The following PPM1H variants were observed in gnomAD, a reference collection of about 807,000 sequenced individuals.
PPM1H encodes the protein protein phosphatase 1H.
A neutral mutation model predicts 54.9 loss-of-function variants in PPM1H; 27 were observed. The ratio of observed to expected loss-of-function variants is 0.49; its 90% CI spans 0.36 to 0.68. The LOEUF is 0.68. Ranked by LOEUF, PPM1H falls within the 30% of genes least tolerant of loss-of-function variation. PPM1H has a pLI of 0.00. For synonymous variants in PPM1H, 305 were observed against 270.8 expected, an observed-to-expected ratio of 1.13 and a Z score of -1.24; for missense variants, 596 against 667.8, an observed-to-expected ratio of 0.89 and a Z score of 1.19.
intron 4 of PPM1H, among the ~76,000 whole-genome samples, chr12:62,763,276 A>T (rs1042755939): frequency 3.9e-5 from 6 of 152,170 alleles, no homozygotes; most frequent in Non-Finnish European, 8.8e-5. Flanking sequence ...GTAACCCTGG[A>T]CTGGCTGTTG....
chr12:62,677,070 G>T (rs868477542), intron 8 of PPM1H, among the ~76,000 whole-genome samples: 1 of 152,012 alleles, frequency 6.6e-6, no homozygotes, highest in African/African-American at 2.4e-5. Flanking sequence ...AGAGACAATG[G>T]GACAACCTGC....
chr12:62,688,039 T>G (rs1258337937), intron 8 of PPM1H, among the ~76,000 whole-genome samples: 2 of 151,366 alleles, frequency 1.3e-5, no homozygotes, highest in Non-Finnish European at 2.9e-5. Flanking sequence ...ACAAAAAACC[T>G]TAATTACACA....
At chr12:62,729,551 G>A (rs2120496396) in intron 5 of PPM1H, among the ~76,000 whole-genome samples, 1 of 152,320 alleles carries the variant, frequency 6.6e-6, no homozygotes, top group East Asian at 1.9e-4. Context: ...TTCACAAATT[G>A]AACACACCTG....
chr12:62,691,440 C>G (rs966393998), intron 7 of PPM1H, among the ~76,000 whole-genome samples: 3 of 152,134 alleles, frequency 2.0e-5, no homozygotes, highest in Admixed American at 1.3e-4. Flanking sequence ...AATTTTGAAG[C>G]CAGCCTTGGT....
intron 4 of PPM1H, among the ~76,000 whole-genome samples, chr12:62,781,061 AG>A (rs569264999): frequency 7.9e-5 from 12 of 152,220 alleles, no homozygotes; most frequent in Non-Finnish European, 1.5e-4. Flanking sequence ...ACACTTTCCC[AG>A]GGGCCCAACA....
rs561769088 is a variant in PPM1H, at chr12:62,867,601, A to G, written c.246-35322T>C. ...TTTTTTTTTTTTTTTTTTTTGAGAC[A>G]GAGTCTCACTCTGTCACCCAGGCTG... is the stretch of plus-strand genomic sequence containing the variant. On this transcript the variant is annotated intron_variant, in intron 1 of 9. Coordinates refer to ENST00000228705, the MANE Select transcript of PPM1H (RefSeq NM_020700.2). 7.8e-3 allele frequency among the ~76,000 whole-genome samples: 648 copies of G among 83,226 alleles called. 5 individuals are homozygous for G. The highest frequency in any genetic ancestry group is 0.036 in the African/African-American group (580 of 16,222). The allele number at this position is 83,226 out of a possible 152,430, so 54.6% of individuals were successfully genotyped here. A position where few individuals can be genotyped will look rare whatever the true frequency, so the allele number is the denominator to read the frequency against.
intron 4 of PPM1H, among the ~76,000 whole-genome samples, chr12:62,749,360 C>T (rs958395265): frequency 1.3e-5 from 2 of 152,212 alleles, no homozygotes; most frequent in African/African-American, 4.8e-5. Context: ...AGAAACCATT[C>T]GGAAAACCCT....
At chr12:62,838,648 G>A (rs1275822229) in intron 1 of PPM1H, among the ~76,000 whole-genome samples, 1 of 102,496 alleles carries the variant, frequency 9.8e-6, no homozygotes, top group East Asian at 2.7e-4. Flanking sequence ...CTGGCCGGGC[G>A]CGGTGGCTCA....
chr12:62,916,459 A>C (rs1194997756), intron 1 of PPM1H, among the ~76,000 whole-genome samples: 15 of 152,220 alleles, frequency 9.9e-5, no homozygotes, highest in Non-Finnish European at 1.8e-4. Flanking sequence ...CTTTAAGTCT[A>C]TAAGTACCTA....
chr12:62,657,996 T>G (rs1011515449), intron 9 of PPM1H, among the ~76,000 whole-genome samples: 1 of 144,078 alleles, frequency 6.9e-6, no homozygotes, highest in African/African-American at 2.6e-5. Flanking sequence ...GCATAAATAC[T>G]GCATAAAAAG....
intron 3 of PPM1H, among the ~76,000 whole-genome samples, chr12:62,791,292 C>T (rs1175658209): frequency 6.6e-6 from 1 of 151,872 alleles, no homozygotes; most frequent in African/African-American, 2.4e-5. Flanking sequence ...AGGAGGGGCA[C>T]GGGTGTCAGG....
chr12:62,765,691 T>TGCC (rs2076538413), intron 4 of PPM1H, among the ~76,000 whole-genome samples: 3 of 152,146 alleles, frequency 2.0e-5, no homozygotes, highest in African/African-American at 7.2e-5. Flanking sequence ...GGGGAGACCC[T>TGCC]TGGGCCCCCG....
intron 6 of PPM1H, among the ~76,000 whole-genome samples, chr12:62,705,221 A>G (rs1284556106): frequency 6.6e-6 from 1 of 152,248 alleles, no homozygotes; most frequent in East Asian, 1.9e-4. Flanking sequence ...GCTGCTCTCC[A>G]TATACTAAAC....
chr12:62,781,790 T>A (rs2076644330), intron 4 of PPM1H, among the ~76,000 whole-genome samples: 1 of 152,220 alleles, frequency 6.6e-6, no homozygotes, highest in Admixed American at 6.5e-5. Context: ...GCAAGTGGCC[T>A]GATGGGAAAA....
chr12:62,683,100 G>T (rs141612371), intron 8 of PPM1H, among the ~76,000 whole-genome samples: 1 of 147,078 alleles, frequency 6.8e-6, no homozygotes, highest in Non-Finnish European at 1.5e-5. Flanking sequence ...GTAGAGACAA[G>T]GTTTTCTCCA....
chr12:62,715,988 G>T (rs1244319485), intron 6 of PPM1H, among the ~76,000 whole-genome samples: 2 of 152,158 alleles, frequency 1.3e-5, no homozygotes, highest in Non-Finnish European at 2.9e-5. Flanking sequence ...GAAACTGAAT[G>T]ATCATGTCTA....
At chr12:62,821,805 A>T (rs61921197) in intron 2 of PPM1H, among the ~76,000 whole-genome samples, 8,154 of 152,286 alleles carry the variant, frequency 0.054, 262 homozygotes, top group Middle Eastern at 0.086. Context: ...CACTGCAAAA[A>T]CATGCCAAAT....
chr12:62,795,502 A>C (rs1026843844), intron 3 of PPM1H, among the ~76,000 whole-genome samples: 5 of 152,068 alleles, frequency 3.3e-5, no homozygotes, highest in African/African-American at 1.2e-4. Context: ...GTTGGAGTGC[A>C]GTGGTGCGAT....
chr12:62,741,088 C>A (rs1359368377), intron 4 of PPM1H, among the ~76,000 whole-genome samples: 2 of 152,152 alleles, frequency 1.3e-5, no homozygotes, highest in East Asian at 1.9e-4. Flanking sequence ...TGTCCCCAGC[C>A]CCCTCCCAAA....
Sources: gnomAD v4.1 joint callset for allele counts (sites outside exome capture counted in the v4.1 genomes callset) on GRCh38, gnomAD v4.1.1 for gene constraint, MANE v1.5 for transcripts, NCBI Gene and HGNC (gene_info 2026-07-23, HGNC 2026-07-21) for gene names.